CROT: variants seen among roughly 807,000 people sequenced by gnomAD.
The protein encoded by CROT is peroxisomal carnitine O-octanoyltransferase.
A neutral mutation model predicts 89.2 loss-of-function variants in CROT; 84 were observed. The observed-to-expected ratio is 0.94, with a 90% CI of 0.79 to 1.13. The LOEUF (loss-of-function observed/expected upper bound fraction) is 1.13, where lower values mean the gene tolerates loss of function less well. CROT is among the 50% of genes most tolerant of loss of function. The probability of loss-of-function intolerance (pLI) is 0.00; values close to 1 mark genes in which losing one functional copy is unlikely to be tolerated. For synonymous variants in CROT, 212 were observed against 239.5 expected, an observed-to-expected ratio of 0.89 and a Z score of 1.06; for missense variants, 711 against 727.8, an observed-to-expected ratio of 0.98 and a Z score of 0.27.
rs1806285900 is a variant in CROT at position 87,361,842 on chromosome 7, T to C, written c.537T>C (p.Tyr179=). The C allele has an allele frequency of 1.9e-6, 3 of 1,584,940 alleles. No individual in the cohort carries two copies. The highest frequency in any genetic ancestry group is 2.4e-5 in the South Asian group (2 of 85,038). The change falls in exon 6 of 18, where the codon TAT becomes TAC. Residue 179 remains tyrosine (Y), a synonymous_variant. Coordinates refer to ENST00000331536, the MANE Select transcript of CROT (RefSeq NM_021151.4). ...TTACTAGAGACTCCATTATGAATTA[T>C]TTTAGGACTGGTAAGTAAAAATGCA... The part of the protein sequence containing the change: ...PGITRDSIMN[Y]FRTESEGRSP...
chr7:87,395,751 A>G (rs1807502819), intron 17 of CROT, among the ~76,000 whole-genome samples: 1 of 152,034 alleles, frequency 6.6e-6, no homozygotes, highest in African/African-American at 2.4e-5. Context: ...GCCACCCAGA[A>G]CCCCATGATT....
chr7:87,382,108 A>T lies in CROT; in HGVS notation c.1097A>T (p.Glu366Val). Reference protein sequence around the residue: ...SEKVRDIPLPEELIFIVDEKV... With the variant: ...SEKVRDIPLPVELIFIVDEKV... ...AAGGTACGAGATATACCACTTCCAG[A>T]AGAGCTCATTTTCATTGTGGATGAG... is the stretch of plus-strand genomic sequence containing the variant. The change falls in exon 12 of 18, where the codon GAA becomes GTA. Residue 366 changes from glutamate (E) to valine (V), a missense_variant. Coordinates refer to ENST00000331536, the MANE Select transcript of CROT (RefSeq NM_021151.4). 1 of 1,613,538 alleles carries T rather than the reference A, an allele frequency of 6.2e-7. No individual in the cohort carries two copies. Among genetic ancestry groups the T allele is most frequent in the Non-Finnish European group, 8.5e-7 (1 of 1,179,664 alleles).
intron 13 of CROT, 85 bp downstream of exon 13, chr7:87,382,628 G>T: frequency 1.4e-6 from 2 of 1,393,674 alleles, no homozygotes; most frequent in East Asian, 2.3e-5. Flanking sequence ...TAACTCCTCA[G>T]TATTTTTGCT....
intron 17 of CROT, among the ~76,000 whole-genome samples, chr7:87,397,248 AC>A (rs1482415063): frequency 2.0e-5 from 3 of 151,802 alleles, no homozygotes; most frequent in African/African-American, 7.3e-5. Flanking sequence ...TTACTTGGGA[AC>A]CTGAGGCACG....
rs142498632 is a variant in CROT at position 87,382,496 on chromosome 7, G to A, written c.1254G>A (p.Thr418=). 36 of 1,613,754 alleles carry A rather than the reference G, an allele frequency of 2.2e-5. No individual in the cohort carries two copies. In the African/African-American group the frequency reaches 3.1e-4, roughly 14 times the overall value. ...LTKNKMLHPD[T]FIQLALQLAY... ...AGAACAAGATGCTTCACCCGGATACGTTTATTCAGCTTGCACTTCAGCTGG... is the reference window on the plus strand; with the variant it reads ...AGAACAAGATGCTTCACCCGGATACATTTATTCAGCTTGCACTTCAGCTGG... The change falls in exon 13 of 18, where the codon ACG becomes ACA. Residue 418 remains threonine, a synonymous_variant. Coordinates refer to ENST00000331536, the MANE Select transcript of CROT (RefSeq NM_021151.4).
At position 87,361,471 on chromosome 7, in the gene CROT, G is replaced by A. The variant is rs767220583; in HGVS notation, c.322G>A (p.Ala108Thr). The A allele has an allele frequency of 6.2e-7, 1 of 1,613,984 alleles. No individual in the cohort carries two copies. The highest frequency in any genetic ancestry group is 8.5e-7 in the Non-Finnish European group (1 of 1,179,946). Residue 108 changes from alanine (A) to threonine (T), a missense_variant, in exon 5 of 18, where the codon GCT becomes ACT. Transcript: ENST00000331536. ...GAATGTCAACTTTGCGGGTCCTGCA[G>A]CTCATTTTGAACACTACTGGCCTCC... Reference protein sequence around the residue: ...QLNVNFAGPAAHFEHYWPPKE... With the variant: ...QLNVNFAGPATHFEHYWPPKE...
At chr7:87,375,601 C>CT in intron 7 of CROT, 31 bp from the exon 8 acceptor site, 1 of 1,543,874 alleles carries the variant, frequency 6.5e-7, no homozygotes. Flanking sequence ...TGCCTGTACT[C>CT]TTTTTTAATC....
chr7:87,392,419 A>T, intron 14 of CROT, 147 bp from the exon 15 acceptor site: 1 of 650,770 alleles, frequency 1.5e-6, no homozygotes. Context: ...TAACTGATGG[A>T]AAGATATAGG....
intron 2 of CROT, among the ~76,000 whole-genome samples, chr7:87,347,504 A>G (rs1470163671): frequency 6.6e-6 from 1 of 152,226 alleles, no homozygotes; most frequent in Non-Finnish European, 1.5e-5. Context: ...CTACATTTCC[A>G]TTAGGTACAA....
At chr7:87,368,375 T>G (rs1180025279) in intron 6 of CROT, among the ~76,000 whole-genome samples, 2 of 152,082 alleles carry the variant, frequency 1.3e-5, no homozygotes, top group Admixed American at 1.3e-4. Flanking sequence ...GGTCAGGAGA[T>G]GACAGCAATA....
At position 87,345,697 on chromosome 7, in the gene CROT, G is replaced by A; in HGVS notation, c.-183G>A. The A allele has an allele frequency of 2.7e-6, 1 of 371,816 alleles. No homozygotes were observed. Among genetic ancestry groups the A allele is most frequent in the Non-Finnish European group, 4.8e-6 (1 of 209,600 alleles). 23.0% of individuals were successfully genotyped at this position (371,816 alleles called of 1,614,324 possible). ...TCCCGCACCTTTGAGGCCCAAGGGG[G>A]AGCGAGCCGGTGCTGCTGCAGGCTG... On this transcript the variant is annotated 5_prime_UTR_variant, in exon 1 of 18. Transcript: ENST00000331536.
intron 4 of CROT, chr7:87,359,586 T>C (rs1222048535): frequency 7.4e-6 from 9 of 1,220,834 alleles, no homozygotes; most frequent in Non-Finnish European, 8.2e-6. Context: ...ATTCTTATTT[T>C]AACAATCACT....
In CROT at chr7:87,352,821, T is replaced by A. The variant is rs569762688; in HGVS notation, c.115+3638T>A. On this transcript the variant is annotated intron_variant, in intron 3 of 17. Coordinates refer to ENST00000331536, the MANE Select transcript of CROT (RefSeq NM_021151.4). ...ATACGTAGCCAAATACTTAAATTAT[T>A]TAATATCAAGGCATAGAAAATTATA... Among the ~76,000 whole-genome samples the A allele has an allele frequency of 1.4e-4, 21 of 152,218 alleles. 1 individual carries two copies. The highest frequency in any genetic ancestry group is 2.8e-4 in the Non-Finnish European group (19 of 68,040).
intron 3 of CROT, among the ~76,000 whole-genome samples, chr7:87,351,602 T>A (rs922077614): frequency 6.6e-6 from 1 of 152,226 alleles, no homozygotes; most frequent in Non-Finnish European, 1.5e-5. Context: ...ATGGATTCTT[T>A]TTTTGAAGAG....
At chr7:87,385,961 T>A (rs1807171081) in intron 13 of CROT, among the ~76,000 whole-genome samples, 1 of 152,242 alleles carries the variant, frequency 6.6e-6, no homozygotes, top group East Asian at 1.9e-4. Flanking sequence ...TCCTTTATTC[T>A]GTTGATGTGA....
chr7:87,374,887 G>A (rs183985245), intron 7 of CROT, among the ~76,000 whole-genome samples: 1 of 151,934 alleles, frequency 6.6e-6, no homozygotes, highest in Non-Finnish European at 1.5e-5. Flanking sequence ...ATCCTTGAAA[G>A]CTTTTAAATT....
At chr7:87,365,699 C>T (rs1032158032) in intron 6 of CROT, among the ~76,000 whole-genome samples, 4 of 151,104 alleles carry the variant, frequency 2.6e-5, no homozygotes, top group South Asian at 2.1e-4. Context: ...CCTCGACCTC[C>T]TGGGCTCTAA....
chr7:87,362,898 T>A (rs1299380611), intron 6 of CROT, among the ~76,000 whole-genome samples: 1 of 152,234 alleles, frequency 6.6e-6, no homozygotes, highest in African/African-American at 2.4e-5. Context: ...CTTCTTTACA[T>A]GCTTGAGATA....
At chr7:87,398,264 C>T (rs774289653) in intron 17 of CROT, 8 of 623,352 alleles carry the variant, frequency 1.3e-5, no homozygotes, top group Non-Finnish European at 2.4e-5. Flanking sequence ...GCAGTAAGAC[C>T]TAGCTTCAGA....
Sources: gnomAD v4.1 joint callset for allele counts (sites outside exome capture counted in the v4.1 genomes callset) on GRCh38, gnomAD v4.1.1 for gene constraint, MANE v1.5 for transcripts, NCBI Gene and HGNC (gene_info 2026-07-23, HGNC 2026-07-21) for gene names.